Variants in MYT1L observed in about 807,000 individuals in gnomAD.
MYT1L encodes myelin transcription factor 1 like.
MYT1L carries 12 observed loss-of-function variants against 126.7 expected under a neutral mutation model. The observed-to-expected ratio is 0.09, with a 90% confidence interval of 0.06 to 0.15. The LOEUF is 0.15. Ranked by LOEUF, MYT1L falls within the 10% of genes least tolerant of loss-of-function variation. The pLI is 1.00. For missense variants in MYT1L, 979 were observed against 1,585.2 expected, an observed-to-expected ratio of 0.62 and a Z score of 6.49; for synonymous variants, 541 against 604.2, an observed-to-expected ratio of 0.90 and a Z score of 1.53.
rs1323059506 is a variant in MYT1L, at chr2:2,331,159, T to C, written c.-713A>G. The C allele has an allele frequency of 4.0e-5, 6 of 151,178 alleles. No individual in the cohort carries two copies. The highest frequency in any genetic ancestry group is 1.5e-4 in the African/African-American group (6 of 41,078). The allele number at this position is 151,178 out of a possible 1,614,324, so 9.4% of individuals were successfully genotyped here. On this transcript the variant is annotated 5_prime_UTR_variant, in exon 1 of 25. An upstream start codon of the reference 5' UTR is lost. Transcript: ENST00000647738. Reference sequence around the variant, plus strand: ...CAGTGAGTATGGATATCATAACCCATAGTCCAGGGAATGAAAAAATTAAAA... The same window carrying C: ...CAGTGAGTATGGATATCATAACCCACAGTCCAGGGAATGAAAAAATTAAAA...
At chr2:2,307,678 C>T (rs1327491570) in intron 1 of MYT1L, among the ~76,000 whole-genome samples, 2 of 152,050 alleles carry the variant, frequency 1.3e-5, no homozygotes, top group Middle Eastern at 3.2e-3. Context: ...TCCACCTATG[C>T]TTCAGCATAC....
chr2:2,132,208 A>G (rs2082460049), intron 3 of MYT1L, among the ~76,000 whole-genome samples: 1 of 152,078 alleles, frequency 6.6e-6, no homozygotes, highest in Non-Finnish European at 1.5e-5. Flanking sequence ...CGCCCAGCCG[A>G]GAGTTCATCA....
At chr2:1,904,371 T>G (rs186132104) in intron 13 of MYT1L, among the ~76,000 whole-genome samples, 35 of 152,110 alleles carry the variant, frequency 2.3e-4, no homozygotes, top group East Asian at 9.7e-4. Flanking sequence ...CATTCTTTTT[T>G]TTGTTGTTGT....
At chr2:1,888,184 G>A (rs910976199) in intron 16 of MYT1L, among the ~76,000 whole-genome samples, 1 of 152,220 alleles carries the variant, frequency 6.6e-6, no homozygotes, top group Non-Finnish European at 1.5e-5. Flanking sequence ...TTTCCTAAGT[G>A]TAGATACATG....
At chr2:2,103,466 G>A (rs1208913702) in intron 3 of MYT1L, among the ~76,000 whole-genome samples, 1 of 152,248 alleles carries the variant, frequency 6.6e-6, no homozygotes, top group East Asian at 1.9e-4. Context: ...GTGGTGGCAT[G>A]TCTGCGGGGC....
intron 4 of MYT1L, among the ~76,000 whole-genome samples, chr2:2,013,508 G>A (rs982876681): frequency 6.6e-6 from 1 of 152,190 alleles, no homozygotes; most frequent in African/African-American, 2.4e-5. Context: ...CTGGAGCCTG[G>A]AACCGGAGGC....
At chr2:2,163,052 T>C (rs1026352490) in intron 3 of MYT1L, among the ~76,000 whole-genome samples, 5 of 152,158 alleles carry the variant, frequency 3.3e-5, no homozygotes, top group African/African-American at 1.2e-4. Flanking sequence ...CCAGGTAGAA[T>C]GTAGAAATAA....
rs2048544518 is a variant in MYT1L, at chr2:1,889,339, A to G, written c.2422T>C (p.Cys808Arg). The change falls in exon 16 of 25, where the codon TGT (cysteine) becomes CGT (arginine). Residue 808 changes from cysteine to arginine, a missense_variant. By Grantham distance (180) the Cys-to-Arg change is radical. This residue lies in a region of MYT1L where 141 missense variants were observed against 170.6 expected (regional missense o/e 0.83). Coordinates refer to ENST00000647738, the MANE Select transcript of MYT1L (RefSeq NM_001303052.2). The surrounding 1 kb of genome is among the most constrained non-coding windows in gnomAD (Gnocchi z 4.1). The part of the protein sequence containing the change: ...PQQQAVMNNR[C>R]FQLGEGDCWD... ...CAGTCGCCCTCGCCCAGCTGGAAAC[A>G]CCGGTTGTTCATCACTGCCTGCTGC... 6 of 1,613,836 alleles carry G rather than the reference A, an allele frequency of 3.7e-6. No individual in the cohort carries two copies. Among genetic ancestry groups the G allele is most frequent in the Non-Finnish European group, 3.4e-6 (4 of 1,179,886 alleles).
At chr2:2,281,080 C>T (rs1343709911) in intron 2 of MYT1L, among the ~76,000 whole-genome samples, 1 of 152,142 alleles carries the variant, frequency 6.6e-6, no homozygotes, top group Non-Finnish European at 1.5e-5. Flanking sequence ...GTGGGATGGA[C>T]CTGGTGGGAG....
At chr2:2,016,325 C>G (rs2064384895) in intron 4 of MYT1L, among the ~76,000 whole-genome samples, 1 of 152,182 alleles carries the variant, frequency 6.6e-6, no homozygotes, top group South Asian at 2.1e-4. Flanking sequence ...GTGGCTGTTT[C>G]AGGAAGACTG....
chr2:2,085,192 G>T (rs1464947793), intron 3 of MYT1L, among the ~76,000 whole-genome samples: 1 of 152,174 alleles, frequency 6.6e-6, no homozygotes, highest in Non-Finnish European at 1.5e-5. Flanking sequence ...CACTGGAGCT[G>T]TCTGCATGCC....
intron 18 of MYT1L, among the ~76,000 whole-genome samples, chr2:1,871,897 A>G (rs975691435): frequency 1.3e-5 from 2 of 152,158 alleles, no homozygotes; most frequent in African/African-American, 4.8e-5. Context: ...ATCCAAGCTG[A>G]AGCTGCAACA....
intron 21 of MYT1L, among the ~76,000 whole-genome samples, chr2:1,838,115 T>C (rs892926644): frequency 5.3e-5 from 8 of 152,186 alleles, no homozygotes; most frequent in East Asian, 1.9e-4. Flanking sequence ...GGTTTCACCA[T>C]GTTGGCCAGG....
At chr2:2,025,740 C>T (rs939684233) in intron 4 of MYT1L, among the ~76,000 whole-genome samples, 1 of 152,240 alleles carries the variant, frequency 6.6e-6, no homozygotes, top group African/African-American at 2.4e-5. Context: ...TGCAAGAACA[C>T]AGGGACATTA....
intron 8 of MYT1L, among the ~76,000 whole-genome samples, chr2:1,946,391 G>C (rs1358878604): frequency 6.6e-6 from 1 of 152,110 alleles, no homozygotes; most frequent in Non-Finnish European, 1.5e-5. Context: ...CCATGGAAAA[G>C]CTGTCTTCCA....
intron 3 of MYT1L, among the ~76,000 whole-genome samples, chr2:2,093,059 A>G (rs1306141416): frequency 6.6e-6 from 1 of 152,220 alleles, no homozygotes; most frequent in Non-Finnish European, 1.5e-5. Flanking sequence ...TAAAATCTGT[A>G]AATACAGAGG....
chr2:2,034,252 T>A (rs1010164681), intron 4 of MYT1L, among the ~76,000 whole-genome samples: 1 of 152,012 alleles, frequency 6.6e-6, no homozygotes, highest in Non-Finnish European at 1.5e-5. Context: ...CACCCACAAC[T>A]TCATGCGGGT....
At chr2:1,882,365 C>T (rs7581359) in intron 18 of MYT1L, among the ~76,000 whole-genome samples, 21,875 of 151,856 alleles carry the variant, frequency 0.14, 2,145 homozygotes, top group African/African-American at 0.28. Flanking sequence ...CGGGTGCTCT[C>T]GGGTGAGCCA....
intron 3 of MYT1L, among the ~76,000 whole-genome samples, chr2:2,166,271 TAAA>T (rs2148482104): frequency 6.6e-6 from 1 of 152,268 alleles, no homozygotes; most frequent in South Asian, 2.1e-4. Flanking sequence ...AAGTCCTCAT[TAAA>T]CAGGAAGCCC....
Sources: allele counts gnomAD v4.1 joint callset (sites outside exome capture counted in the v4.1 genomes callset), GRCh38; gene constraint gnomAD v4.1.1; regional missense constraint gnomAD v4.1.1; non-coding constraint Gnocchi (gnomAD v3.1); transcripts MANE v1.5; gene names NCBI Gene and HGNC (gene_info 2026-07-23, HGNC 2026-07-21).